DHRSX: variants seen among roughly 807,000 people sequenced by gnomAD.
DHRSX encodes the protein dehydrogenase/reductase X-linked, also known as polyprenol dehydrogenase.
DHRSX carries 31 observed loss-of-function variants against 34.0 expected under a neutral mutation model. The observed-to-expected ratio is 0.91, with a 90% CI of 0.69 to 1.23. The LOEUF (loss-of-function observed/expected upper bound fraction) is 1.23, where lower values mean the gene tolerates loss of function less well. Ranked by LOEUF, DHRSX falls within the 50% of genes most tolerant of loss-of-function variation. DHRSX has a pLI of 0.00. For missense variants in DHRSX, 414 were observed against 428.1 expected, an observed-to-expected ratio of 0.97 and a Z score of 0.29; for synonymous variants, 201 against 183.8, an observed-to-expected ratio of 1.09 and a Z score of -0.76.
intron 1 of DHRSX, among the ~76,000 whole-genome samples, chrX:2,434,784 A>G (rs909235237): frequency 6.6e-6 from 1 of 152,214 alleles, no homozygotes; most frequent in Non-Finnish European, 1.5e-5. Context: ...TATACGAGAA[A>G]ACCATTCATG....
At chrX:2,435,425 A>G (rs1371788021) in intron 1 of DHRSX, among the ~76,000 whole-genome samples, 1 of 151,480 alleles carries the variant, frequency 6.6e-6, no homozygotes, top group Admixed American at 6.6e-5. Context: ...AACTGCTTAT[A>G]AATCTACAAT....
At chrX:2,404,983 G>A (rs2043533875) in intron 3 of DHRSX, among the ~76,000 whole-genome samples, 1 of 152,206 alleles carries the variant, frequency 6.6e-6, no homozygotes, top group Non-Finnish European at 1.5e-5. Context: ...CACTGGGCTT[G>A]GCTCTGGCTG....
chrX:2,360,411 T>A (rs191667906), intron 3 of DHRSX, among the ~76,000 whole-genome samples: 23 of 152,044 alleles, frequency 1.5e-4, no homozygotes, highest in African/African-American at 4.6e-4. Flanking sequence ...GGTGAAACCC[T>A]GTCTCTACTA....
chrX:2,242,544 A>G (rs565641537), intron 6 of DHRSX, among the ~76,000 whole-genome samples: 3 of 152,154 alleles, frequency 2.0e-5, no homozygotes, highest in South Asian at 4.2e-4. Flanking sequence ...GCAGGATGAG[A>G]TAAGAGGTTG....
intron 6 of DHRSX, among the ~76,000 whole-genome samples, chrX:2,224,555 A>G (rs2015593238): frequency 6.6e-6 from 1 of 152,192 alleles, no homozygotes; most frequent in African/African-American, 2.4e-5. Flanking sequence ...GGGGACACAG[A>G]GATGACGACG....
intron 3 of DHRSX, among the ~76,000 whole-genome samples, chrX:2,355,213 G>A (rs2042833834): frequency 6.6e-6 from 1 of 152,018 alleles, no homozygotes; most frequent in Non-Finnish European, 1.5e-5. Context: ...AAGAAAGTCA[G>A]AGTCAAAATA....
At chrX:2,236,880 T>TAAAAAAA (rs1451081776) in intron 6 of DHRSX, among the ~76,000 whole-genome samples, 29 of 114,644 alleles carry the variant, frequency 2.5e-4, no homozygotes, top group African/African-American at 7.9e-4. Context: ...ATTTGTTTAT[T>TAAAAAAA]AATAAAAAAA....
At chrX:2,270,958 G>T (rs1397312490) in intron 4 of DHRSX, among the ~76,000 whole-genome samples, 1 of 152,158 alleles carries the variant, frequency 6.6e-6, no homozygotes, top group Non-Finnish European at 1.5e-5. Flanking sequence ...GGACCAATCA[G>T]CACTCTGTAA....
chrX:2,309,402 ACAG>A (rs1210807575), intron 3 of DHRSX, among the ~76,000 whole-genome samples: 2 of 152,198 alleles, frequency 1.3e-5, no homozygotes, highest in African/African-American at 4.8e-5. Context: ...ATTTATATAT[ACAG>A]AAGAAAAAAA....
At chrX:2,245,774 G>A (rs764660045) in intron 5 of DHRSX, among the ~76,000 whole-genome samples, 6 of 148,870 alleles carry the variant, frequency 4.0e-5, no homozygotes, top group South Asian at 4.3e-4. Context: ...TGGCCAACAT[G>A]GTGAAACCCT....
At chrX:2,230,179 ATG>A (rs911336960) in intron 6 of DHRSX, among the ~76,000 whole-genome samples, 3 of 150,646 alleles carry the variant, frequency 2.0e-5, no homozygotes, top group African/African-American at 7.3e-5. Context: ...AGGTGCGCGC[ATG>A]TGTTTGCATC....
chrX:2,371,649 ACTCCTCCCCTTACCATAGTCCCTC>A (rs1200619628), intron 3 of DHRSX, among the ~76,000 whole-genome samples: 7 of 112,104 alleles, frequency 6.2e-5, no homozygotes, highest in Non-Finnish European at 1.1e-4. Flanking sequence ...CATAGTCCAC[ACTCCTCCCCTTACCATAGTCCCTC>A]CTCCTCCCAT....
chrX:2,330,774 GAGAGAATA>G lies in DHRSX; in HGVS notation c.287-39179_287-39172del, dbSNP rs760335899. On this transcript the variant is annotated intron_variant, in intron 3 of 6. Transcript: ENST00000334651. Reference sequence around the variant, plus strand: ...AAGAGAAGAGGAAAGAAGACAGGGAGAGAGAATAAGAGAATGAGAAAGAGAGAATGAAG... The same window carrying G: ...AAGAGAAGAGGAAAGAAGACAGGGAGAGAGAATGAGAAAGAGAGAATGAAG... Among the ~76,000 whole-genome samples, 583 of 151,682 alleles carry G rather than the reference GAGAGAATA, an allele frequency of 3.8e-3. 5 individuals carry two copies. Among genetic ancestry groups the G allele is most frequent in the African/African-American group, 0.013 (552 of 41,354 alleles).
chrX:2,357,307 C>T (rs28619568), intron 3 of DHRSX, among the ~76,000 whole-genome samples: 55,007 of 151,642 alleles, frequency 0.36, 12,087 homozygotes, highest in African/African-American at 0.62. Flanking sequence ...GTCCCTAACC[C>T]CCATGTTTTT....
At chrX:2,364,864 C>T (rs932785542) in intron 3 of DHRSX, among the ~76,000 whole-genome samples, 4 of 152,176 alleles carry the variant, frequency 2.6e-5, no homozygotes, top group African/African-American at 7.2e-5. Flanking sequence ...TCATTGATCA[C>T]AATCTATCAT....
At chrX:2,262,651 C>T (rs1482050799) in intron 5 of DHRSX, among the ~76,000 whole-genome samples, 2 of 152,334 alleles carry the variant, frequency 1.3e-5, no homozygotes, top group East Asian at 3.9e-4. Context: ...GCAGCCCCTC[C>T]CGGCCACAGG....
chrX:2,499,352 C>A (rs2045356234), intron 1 of DHRSX, among the ~76,000 whole-genome samples: 1 of 151,634 alleles, frequency 6.6e-6, no homozygotes, highest in Admixed American at 6.6e-5. Flanking sequence ...ACCACACTGA[C>A]CCTCTGAACG....
chrX:2,268,705 C>T (rs2041508533), intron 4 of DHRSX, among the ~76,000 whole-genome samples: 1 of 152,224 alleles, frequency 6.6e-6, no homozygotes, highest in Non-Finnish European at 1.5e-5. Context: ...TACACATTTA[C>T]ATCTTTGCAT....
chrX:2,456,710 A>G (rs1314974775), intron 1 of DHRSX, among the ~76,000 whole-genome samples: 2 of 151,692 alleles, frequency 1.3e-5, no homozygotes, highest in African/African-American at 4.8e-5. Context: ...GGAACTGCAC[A>G]GGCCACCTTC....
Sources: gnomAD v4.1 joint callset for allele counts (sites outside exome capture counted in the v4.1 genomes callset) on GRCh38, gnomAD v4.1.1 for gene constraint, MANE v1.5 for transcripts, NCBI Gene and HGNC (gene_info 2026-07-23, HGNC 2026-07-21) for gene names.